Variants in OR2L13 observed in about 807,000 individuals in gnomAD.
OR2L13 encodes olfactory receptor 2L13.
OR2L13 carries 14 observed loss-of-function variants against 15.3 expected under a neutral mutation model. The ratio of observed to expected loss-of-function variants is 0.91; its 90% CI spans 0.60 to 1.43. OR2L13 has a LOEUF of 1.43. Ranked by LOEUF, OR2L13 falls within the 40% of genes most tolerant of loss-of-function variation. OR2L13 has a pLI of 0.00. For missense variants in OR2L13, 367 were observed against 387.9 expected, an observed-to-expected ratio of 0.95 and a Z score of 0.45; for synonymous variants, 152 against 142.9, an observed-to-expected ratio of 1.06 and a Z score of -0.45.
chr1:247,984,229 CATT>C, the OR2L13 span, among the ~76,000 whole-genome samples: 1,076 of 148,470 alleles, frequency 7.2e-3, 13 homozygotes, highest in African/African-American at 0.025. Flanking sequence ...GAAAATAAGT[CATT>C]ATTATTATTA....
upstream of OR2L13, among the ~76,000 whole-genome samples, chr1:248,095,607 C>CTTTTTTTTTTTTTTTTTTTT (rs780686820): frequency 1.1e-3 from 41 of 37,302 alleles, 14 homozygotes; most frequent in East Asian, 1.9e-3. Flanking sequence ...AAAGCTGCTG[C>CTTTTTTTTTTTTTTTTTTTT]TTTTTTTTTT....
At chr1:247,938,506 C>A in the OR2L13 span, among the ~76,000 whole-genome samples, 1 of 152,122 alleles carries the variant, frequency 6.6e-6, no homozygotes, top group African/African-American at 2.4e-5. Flanking sequence ...AGTCAGAATT[C>A]ATAGATTTAC....
upstream of OR2L13, among the ~76,000 whole-genome samples, chr1:248,095,607 C>CTTTTTTTTTTTTTTTGTTTTTTTTTTTT (rs1664717019): frequency 5.4e-5 from 2 of 37,294 alleles, 1 homozygote; most frequent in African/African-American, 1.4e-4. Context: ...AAAGCTGCTG[C>CTTTTTTTTTTTTTTTGTTTTTTTTTTTT]TTTTTTTTTT....
chr1:248,096,376 C>T (rs898284091), upstream of OR2L13, among the ~76,000 whole-genome samples: 1 of 142,156 alleles, frequency 7.0e-6, no homozygotes, highest in Non-Finnish European at 1.5e-5. Flanking sequence ...CAGTGAGACT[C>T]TGTCTCAAAA....
At chr1:248,014,481 T>A in the OR2L13 span, among the ~76,000 whole-genome samples, 1 of 152,182 alleles carries the variant, frequency 6.6e-6, no homozygotes, top group Non-Finnish European at 1.5e-5. Context: ...ATATTTATTT[T>A]TTTCTTTTGG....
the OR2L13 span, chr1:248,060,523 T>C: frequency 6.4e-6 from 4 of 624,778 alleles, no homozygotes; most frequent in African/African-American, 5.5e-5. Flanking sequence ...ATCAGAAGTA[T>C]GTGTGGACAG....
At chr1:247,952,815 G>T in the OR2L13 span, among the ~76,000 whole-genome samples, 1 of 152,194 alleles carries the variant, frequency 6.6e-6, no homozygotes, top group African/African-American at 2.4e-5. Context: ...GGAATCAGGA[G>T]ACCTAGCTCT....
chr1:247,992,979 A>G, the OR2L13 span, among the ~76,000 whole-genome samples: 3 of 152,114 alleles, frequency 2.0e-5, no homozygotes, highest in South Asian at 2.1e-4. Context: ...GCTAATTTAC[A>G]TTCCCACCAA....
Position 248,099,355 on chromosome 1 carries a change from CA to C in OR2L13, c.-18-2del. The C allele has an allele frequency of 6.7e-7, 1 of 1,501,902 alleles. No individual in the cohort carries two copies. The highest frequency in any genetic ancestry group is 1.4e-5 in the African/African-American group (1 of 72,356). 93.0% of individuals were successfully genotyped at this position (1,501,902 alleles called of 1,614,324 possible). On this transcript the variant is annotated splice_acceptor_variant, in intron 2 of 2. Transcript: ENST00000641714. LOFTEE classifies it low-confidence loss of function (5UTR_SPLICE). ...GCTTTTGTTTCTATTTCTCTTTCAA[CA>C]GTTACAGCAGAAAGTTTTCATGGAG...
At chr1:248,076,177 G>A in the OR2L13 span, among the ~76,000 whole-genome samples, 2 of 152,146 alleles carry the variant, frequency 1.3e-5, no homozygotes, top group East Asian at 3.9e-4. Context: ...CATTATTTCT[G>A]AGACCTCTAT....
At chr1:247,982,790 A>C in the OR2L13 span, among the ~76,000 whole-genome samples, 9 of 152,098 alleles carry the variant, frequency 5.9e-5, no homozygotes, top group African/African-American at 1.9e-4. Flanking sequence ...GAAATGATTA[A>C]ATTTTAATCA....
the OR2L13 span, among the ~76,000 whole-genome samples, chr1:248,057,577 T>A: frequency 2.6e-5 from 4 of 152,190 alleles, no homozygotes; most frequent in Admixed American, 2.0e-4. Flanking sequence ...AATGGGTGAC[T>A]TTGGCTGTTG....
At chr1:247,988,120 T>C in the OR2L13 span, among the ~76,000 whole-genome samples, 3 of 152,234 alleles carry the variant, frequency 2.0e-5, no homozygotes, top group East Asian at 5.8e-4. Context: ...TGGTGGCTAA[T>C]ATATTTCAGT....
At chr1:247,994,151 C>T in the OR2L13 span, among the ~76,000 whole-genome samples, 1 of 152,274 alleles carries the variant, frequency 6.6e-6, no homozygotes, top group African/African-American at 2.4e-5. Context: ...AATCCCAGCA[C>T]TTTGGGAGGC....
At chr1:247,993,805 G>GAGAA in the OR2L13 span, among the ~76,000 whole-genome samples, 1 of 135,164 alleles carries the variant, frequency 7.4e-6, no homozygotes, top group East Asian at 2.0e-4. Context: ...GAGAGAGAGA[G>GAGAA]AGAGAGAAAG....
the OR2L13 span, chr1:248,060,822 C>A: frequency 6.2e-7 from 1 of 1,614,004 alleles, no homozygotes; most frequent in Admixed American, 1.7e-5. Context: ...TGATTCTTCT[C>A]ATCTTCTTGG....
At chr1:247,995,198 A>C in the OR2L13 span, among the ~76,000 whole-genome samples, 1 of 152,186 alleles carries the variant, frequency 6.6e-6, no homozygotes, top group Non-Finnish European at 1.5e-5. Flanking sequence ...CAGTGTAAAC[A>C]TCAGGTATCA....
At chr1:247,990,467 C>G in the OR2L13 span, 1 of 1,579,656 alleles carries the variant, frequency 6.3e-7, no homozygotes, top group Non-Finnish European at 8.7e-7. Flanking sequence ...AGCTCTCCCT[C>G]ATTGACCTAA....
the OR2L13 span, among the ~76,000 whole-genome samples, chr1:247,964,337 C>T: frequency 6.6e-6 from 1 of 152,154 alleles, no homozygotes; most frequent in African/African-American, 2.4e-5. Flanking sequence ...TAGAAATCTA[C>T]TGGTCTTCCT....
Sources: allele counts gnomAD v4.1 joint callset (sites outside exome capture counted in the v4.1 genomes callset), GRCh38; gene constraint gnomAD v4.1.1; transcripts MANE v1.5; gene names NCBI Gene and HGNC (gene_info 2026-07-23, HGNC 2026-07-21).